CAMTA1: variants seen among roughly 807,000 people sequenced by gnomAD.
The protein encoded by CAMTA1 is calmodulin-binding transcription activator 1.
A neutral mutation model predicts 170.9 loss-of-function variants in CAMTA1; 27 were observed. The ratio of observed to expected loss-of-function variants is 0.16; its 90% CI spans 0.12 to 0.22. The LOEUF (loss-of-function observed/expected upper bound fraction) is 0.22. CAMTA1 is among the 10% of genes least tolerant of loss of function. CAMTA1 has a pLI of 1.00. For synonymous variants in CAMTA1, 833 were observed against 891.5 expected (o/e 0.93, Z 1.17); for missense variants, 1,619 against 2,217.2 (o/e 0.73, Z 5.42).
chr1:7,528,802 G>GATGGATGA (rs1553192873), intron 6 of CAMTA1, among the ~76,000 whole-genome samples: 2 of 148,376 alleles, frequency 1.3e-5, no homozygotes, highest in Admixed American at 6.7e-5. Context: ...TGAAAGGATG[G>GATGGATGA]ATGAATGAAT....
Position 7,664,572 on chromosome 1 carries a change from G to C in CAMTA1, c.2025G>C (p.Met675Ile). 3 of 1,613,096 alleles carry C rather than the reference G, an allele frequency of 1.9e-6. No homozygotes were observed. In the Admixed American group the frequency reaches 5.0e-5, roughly 27 times the overall value. Residue 675 changes from methionine (M) to isoleucine (I), a missense_variant, in exon 9 of 23, where the codon ATG becomes ATC. Met to Ile is a conservative substitution (Grantham distance 10). Around this residue, in one of 8 missense-constraint regions of CAMTA1, gnomAD observed 731 missense variants for 907.6 expected, o/e 0.81. Transcript: ENST00000303635. ...AGTCCACTTCCTCCCTCCACCTCAT[G>C]CAGTTCCAGGCCAACTTCCAGGCCA... ...RIESTSSLHLMQFQANFQAMT... is the reference protein window; with the variant it reads ...RIESTSSLHLIQFQANFQAMT...
chr1:7,312,079 G>A (rs1676809388), intron 5 of CAMTA1, among the ~76,000 whole-genome samples: 1 of 152,062 alleles, frequency 6.6e-6, no homozygotes, highest in Non-Finnish European at 1.5e-5. Flanking sequence ...AGTTACCTTG[G>A]TCAGTTGTAC....
In CAMTA1 at chr1:6,833,210, T is replaced by C. The variant is rs191052371; in HGVS notation, c.234+8000T>C. On this transcript the variant is annotated intron_variant, in intron 3 of 22. Coordinates refer to ENST00000303635, the MANE Select transcript of CAMTA1 (RefSeq NM_015215.4). ...ATAAGATGTTAAAGAACATTTTCTT[T>C]TAAGGAAGAAATTCCTGTGGGTCTT... is the stretch of plus-strand genomic sequence containing the variant. Among the ~76,000 whole-genome samples, 3 of 152,350 alleles carry C rather than the reference T, an allele frequency of 2.0e-5. 1 individual carries two copies. In the East Asian group the frequency reaches 5.8e-4, roughly 29 times the overall value.
chr1:7,735,331 G>A (rs999438485), intron 12 of CAMTA1, among the ~76,000 whole-genome samples: 1 of 151,318 alleles, frequency 6.6e-6, no homozygotes, highest in Non-Finnish European at 1.5e-5. Flanking sequence ...CCCTATCTCC[G>A]CTAAAAATAC....
intron 4 of CAMTA1, among the ~76,000 whole-genome samples, chr1:7,211,023 A>AT (rs1014567418): frequency 6.6e-6 from 1 of 152,132 alleles, no homozygotes; most frequent in Non-Finnish European, 1.5e-5. Flanking sequence ...ACGTTAACAG[A>AT]TTTTTTTCAG....
chr1:7,435,656 CT>C lies in CAMTA1; in HGVS notation c.439-32172del, dbSNP rs1331433162. 8.5e-5 allele frequency among the ~76,000 whole-genome samples: 13 copies of C among 152,234 alleles called. No homozygotes were observed. The highest frequency in any genetic ancestry group is 1.3e-4 in the Non-Finnish European group (9 of 68,042). ...GCCTCAGAAAGAACCAGGCAGCCTC[CT>C]TCTGACCAGGCAAGGGCTGGCCGCC... On this transcript the variant is annotated intron_variant, in intron 5 of 22. Transcript: ENST00000303635. The surrounding 1 kb of genome is among the most constrained non-coding windows in gnomAD (Gnocchi z 4.4).
At chr1:7,088,511 G>A (rs1453293941) in intron 3 of CAMTA1, among the ~76,000 whole-genome samples, 1 of 152,206 alleles carries the variant, frequency 6.6e-6, no homozygotes, top group Admixed American at 6.5e-5. Context: ...TACAGTAGAT[G>A]CTCAGTAAGT....
intron 3 of CAMTA1, among the ~76,000 whole-genome samples, chr1:6,839,253 G>A (rs1288142794): frequency 6.6e-6 from 1 of 151,950 alleles, no homozygotes; most frequent in Non-Finnish European, 1.5e-5. Context: ...ATGGTGGCAT[G>A]TGCCTGTAAT....
At chr1:7,376,393 C>T (rs750300040) in intron 5 of CAMTA1, among the ~76,000 whole-genome samples, 2 of 152,122 alleles carry the variant, frequency 1.3e-5, no homozygotes, top group Non-Finnish European at 2.9e-5. Context: ...CCAGGGGGCT[C>T]GCGAGGAGAC....
chr1:7,185,940 GTTCTT>G (rs2148913613), intron 4 of CAMTA1, among the ~76,000 whole-genome samples: 1 of 152,308 alleles, frequency 6.6e-6, no homozygotes, highest in East Asian at 1.9e-4. Flanking sequence ...GCGAGTTTGT[GTTCTT>G]TTCTTTAGCT....
At position 6,970,502 on chromosome 1, in the gene CAMTA1, G is replaced by A. The variant is rs528111321; in HGVS notation, c.235-120802G>A. Among the ~76,000 whole-genome samples, 2 of 152,192 alleles carry A rather than the reference G, an allele frequency of 1.3e-5. No homozygotes were observed. Among genetic ancestry groups the A allele is most frequent in the East Asian group, 1.9e-4 (1 of 5,170 alleles). On this transcript the variant is annotated intron_variant, in intron 3 of 22. Coordinates refer to ENST00000303635, the MANE Select transcript of CAMTA1 (RefSeq NM_015215.4). The surrounding 1 kb of genome is among the most constrained non-coding windows in gnomAD (Gnocchi z 4.4). ...GGTTCTTGCCAGGCCAGGGACTCTC[G>A]GCTTGGAGGGGGTCACTCCAAGGGC... is the stretch of plus-strand genomic sequence containing the variant.
At chr1:7,498,525 ATGT>A (rs1406862340) in intron 6 of CAMTA1, among the ~76,000 whole-genome samples, 7 of 151,412 alleles carry the variant, frequency 4.6e-5, no homozygotes, top group Admixed American at 1.3e-4. Flanking sequence ...ATGCATAGGA[ATGT>A]TGTGTTGCAT....
chr1:7,274,391 A>G (rs1670281372), intron 5 of CAMTA1, among the ~76,000 whole-genome samples: 1 of 152,218 alleles, frequency 6.6e-6, no homozygotes, highest in Non-Finnish European at 1.5e-5. Context: ...TAAGAGGGTC[A>G]GTCCGTTAGG....
At chr1:7,028,045 C>T (rs1438025358) in intron 3 of CAMTA1, among the ~76,000 whole-genome samples, 3 of 152,024 alleles carry the variant, frequency 2.0e-5, no homozygotes, top group African/African-American at 7.2e-5. Context: ...GCTGGGACTA[C>T]AGGCATGTGC....
intron 3 of CAMTA1, among the ~76,000 whole-genome samples, chr1:6,964,522 C>T (rs1275097917): frequency 6.6e-6 from 1 of 152,152 alleles, no homozygotes; most frequent in Non-Finnish European, 1.5e-5. Context: ...CCATGGCTGC[C>T]TCTCTCCCAG....
rs1557457928 is a variant in CAMTA1 at position 7,293,759 on chromosome 1, G to T, written c.438+44133G>T. Among the ~76,000 whole-genome samples, 1 of 152,156 alleles carries T rather than the reference G, an allele frequency of 6.6e-6. No individual in the cohort carries two copies. Among genetic ancestry groups the T allele is most frequent in the South Asian group, 2.1e-4 (1 of 4,826 alleles). ...GGTTCCCCTGGGGAGCATCTTCTTGGTTCTTGTAATGTTGCTGCCTCCCGA... is the reference window on the plus strand; with the variant it reads ...GGTTCCCCTGGGGAGCATCTTCTTGTTTCTTGTAATGTTGCTGCCTCCCGA... On this transcript the variant is annotated intron_variant, in intron 5 of 22. Transcript: ENST00000303635. This position sits in a 1 kb window ranked among gnomAD's most constrained non-coding sequence, Gnocchi z 4.1.
At chr1:7,265,407 G>A (rs4620567) in intron 5 of CAMTA1, among the ~76,000 whole-genome samples, 15,325 of 152,036 alleles carry the variant, frequency 0.1, 1,277 homozygotes, top group African/African-American at 0.22. Context: ...TCTGCTTCCC[G>A]GGTTCAAGTG....
At chr1:6,842,878 C>T (rs1240605031) in intron 3 of CAMTA1, among the ~76,000 whole-genome samples, 4 of 151,172 alleles carry the variant, frequency 2.6e-5, no homozygotes, top group African/African-American at 4.9e-5. Context: ...GAGCTGAGGT[C>T]GTGCCATTGC....
chr1:7,396,784 T>C (rs1273639142), intron 5 of CAMTA1, among the ~76,000 whole-genome samples: 1 of 152,176 alleles, frequency 6.6e-6, no homozygotes, highest in Non-Finnish European at 1.5e-5. Flanking sequence ...TATGTTAATG[T>C]GATGTATCAT....
Sources: allele counts gnomAD v4.1 joint callset (sites outside exome capture counted in the v4.1 genomes callset), GRCh38; gene constraint gnomAD v4.1.1; regional missense constraint gnomAD v4.1.1; non-coding constraint Gnocchi (gnomAD v3.1); transcripts MANE v1.5; gene names NCBI Gene and HGNC (gene_info 2026-07-23, HGNC 2026-07-21).